The following EPHA6 variants were observed in gnomAD, a reference collection of about 807,000 sequenced individuals.
EPHA6 encodes ephrin type-A receptor 6.
Under a neutral mutation model 112.0 loss-of-function variants are expected in EPHA6, and 50 were observed. The ratio of observed to expected loss-of-function variants is 0.45; its 90% CI spans 0.36 to 0.56. The LOEUF (loss-of-function observed/expected upper bound fraction) is 0.56. Among genes scored for constraint, EPHA6 ranks in the 20% least tolerant of loss-of-function variants. EPHA6 has a pLI of 0.00. For synonymous variants in EPHA6, 529 were observed against 490.7 expected (o/e 1.08, Z -1.03); for missense variants, 1,280 against 1,417.4 (o/e 0.90, Z 1.56).
At chr3:97,417,546 A>C (rs775097129) in intron 6 of EPHA6, among the ~76,000 whole-genome samples, 6 of 151,896 alleles carry the variant, frequency 4.0e-5, no homozygotes, top group Non-Finnish European at 8.8e-5. Flanking sequence ...TGTAAAGCAT[A>C]CTCTTGATGG....
At chr3:96,890,933 A>C (rs2037922027) in intron 2 of EPHA6, among the ~76,000 whole-genome samples, 1 of 152,142 alleles carries the variant, frequency 6.6e-6, no homozygotes, top group Admixed American at 6.5e-5. Context: ...AAAAAATAGA[A>C]AAAATCAGCG....
At chr3:97,700,055 T>C (rs2033284988) in intron 14 of EPHA6, among the ~76,000 whole-genome samples, 1 of 152,208 alleles carries the variant, frequency 6.6e-6, no homozygotes, top group Non-Finnish European at 1.5e-5. Flanking sequence ...TGTGAAGCAA[T>C]ACCACAACAT....
chr3:96,899,788 C>A (rs2038502389), intron 2 of EPHA6, among the ~76,000 whole-genome samples: 1 of 152,086 alleles, frequency 6.6e-6, no homozygotes, highest in Non-Finnish European at 1.5e-5. Context: ...CTGAGGAATA[C>A]TGTTAAATAC....
intron 14 of EPHA6, 45 bp from the exon 15 acceptor site, chr3:97,720,216 A>G (rs1045792445): frequency 6.8e-7 from 1 of 1,464,866 alleles, no homozygotes; most frequent in Non-Finnish European, 9.0e-7. Flanking sequence ...TTTTGTTTTT[A>G]ATACAACGAT....
At chr3:97,549,239 G>A (rs1276344423) in intron 11 of EPHA6, among the ~76,000 whole-genome samples, 1 of 152,102 alleles carries the variant, frequency 6.6e-6, no homozygotes, top group Non-Finnish European at 1.5e-5. Flanking sequence ...ACTGCCTCTT[G>A]TTTACATCGT....
intron 3 of EPHA6, among the ~76,000 whole-genome samples, chr3:97,054,163 A>AACACACACACACAC (rs138411869): frequency 6.9e-6 from 1 of 145,548 alleles, no homozygotes; most frequent in Non-Finnish European, 1.5e-5. Flanking sequence ...ATAACTATCT[A>AACACACACACACAC]ACACACACAC....
chr3:97,285,475 C>T (rs1212053679), intron 5 of EPHA6, among the ~76,000 whole-genome samples: 1 of 152,072 alleles, frequency 6.6e-6, no homozygotes, highest in Non-Finnish European at 1.5e-5. Flanking sequence ...ACATGCAATA[C>T]TAGTCTTTCT....
intron 3 of EPHA6, among the ~76,000 whole-genome samples, chr3:97,064,644 C>A (rs1306063018): frequency 6.6e-6 from 1 of 152,102 alleles, no homozygotes; most frequent in Non-Finnish European, 1.5e-5. Context: ...ATCTTGATAA[C>A]CCAGAAAAAC....
At position 96,839,484 on chromosome 3, in the gene EPHA6, G is replaced by A. The variant is rs1202866393; in HGVS notation, c.385+24476G>A. Among the ~76,000 whole-genome samples, 3 of 152,030 alleles carry A rather than the reference G, an allele frequency of 2.0e-5. No homozygotes were observed. The East Asian group carries it at 5.8e-4, about 29-fold the overall frequency. ...GTCTTCCATGAAACTGGTCCCTGGTGCCAAAAAGTTTGAGGACCGCTGCCC... is the reference window on the plus strand; with the variant it reads ...GTCTTCCATGAAACTGGTCCCTGGTACCAAAAAGTTTGAGGACCGCTGCCC... On this transcript the variant is annotated intron_variant, in intron 1 of 17. Transcript: ENST00000389672.
intron 2 of EPHA6, among the ~76,000 whole-genome samples, chr3:96,868,186 GAGAC>G (rs984203416): frequency 4.9e-5 from 7 of 143,416 alleles, no homozygotes; most frequent in Non-Finnish European, 7.4e-5. Context: ...GAGAGAGAGA[GAGAC>G]AGAGTGTGTG....
intron 2 of EPHA6, among the ~76,000 whole-genome samples, chr3:96,872,455 C>T (rs1351608929): frequency 1.3e-5 from 2 of 152,028 alleles, no homozygotes; most frequent in East Asian, 3.9e-4. Flanking sequence ...AATTTCTGAC[C>T]TATTTCATTT....
chr3:97,431,131 C>T (rs1170884033), intron 6 of EPHA6, among the ~76,000 whole-genome samples: 1 of 151,940 alleles, frequency 6.6e-6, no homozygotes, highest in Non-Finnish European at 1.5e-5. Flanking sequence ...ATTTTTTACA[C>T]TATGTGAGAT....
At chr3:97,166,111 A>G (rs564433613) in intron 3 of EPHA6, among the ~76,000 whole-genome samples, 3 of 152,222 alleles carry the variant, frequency 2.0e-5, no homozygotes, top group African/African-American at 7.2e-5. Flanking sequence ...TGTAGAAGCA[A>G]TTACTCTCCC....
chr3:97,512,472 A>T (rs1560086861), intron 10 of EPHA6, among the ~76,000 whole-genome samples: 1 of 152,070 alleles, frequency 6.6e-6, no homozygotes, highest in Non-Finnish European at 1.5e-5. Flanking sequence ...CTTTTCTCTT[A>T]TTTTTTTAAA....
chr3:97,633,521 T>C (rs138157529), intron 13 of EPHA6, among the ~76,000 whole-genome samples: 33 of 152,208 alleles, frequency 2.2e-4, no homozygotes, highest in African/African-American at 7.5e-4. Context: ...TTCGATTCAA[T>C]TTGAATTAAT....
intron 13 of EPHA6, among the ~76,000 whole-genome samples, chr3:97,628,495 A>G (rs923227513): frequency 2.0e-5 from 3 of 151,962 alleles, no homozygotes; most frequent in Non-Finnish European, 2.9e-5. Flanking sequence ...AAGAGTCATA[A>G]AATTGTCTGT....
chr3:97,148,992 G>A (rs1453357322), intron 3 of EPHA6, among the ~76,000 whole-genome samples: 1 of 151,998 alleles, frequency 6.6e-6, no homozygotes, highest in East Asian at 1.9e-4. Flanking sequence ...TCTGCAGATG[G>A]GTTTCTTTGA....
intron 2 of EPHA6, among the ~76,000 whole-genome samples, chr3:96,925,561 C>A (rs2039990556): frequency 6.7e-6 from 1 of 148,580 alleles, no homozygotes; most frequent in Non-Finnish European, 1.5e-5. Flanking sequence ...GGTGGTCATT[C>A]AATTTTATCA....
At chr3:97,405,897 C>T (rs1311227590) in intron 6 of EPHA6, among the ~76,000 whole-genome samples, 3 of 151,786 alleles carry the variant, frequency 2.0e-5, no homozygotes, top group Non-Finnish European at 2.9e-5. Context: ...ATACTTTATT[C>T]CCTTTATTAT....
Sources: allele counts gnomAD v4.1 joint callset (sites outside exome capture counted in the v4.1 genomes callset), GRCh38; gene constraint gnomAD v4.1.1; transcripts MANE v1.5; gene names NCBI Gene and HGNC (gene_info 2026-07-23, HGNC 2026-07-21).